SHANK2: variants seen among roughly 807,000 people sequenced by gnomAD.
SHANK2 encodes SH3 and multiple ankyrin repeat domains 2, also known as SH3 and multiple ankyrin repeat domains protein 2.
In SHANK2, 43 loss-of-function variants were observed where a neutral mutation model predicts 133.7. That is an observed-to-expected ratio of 0.32 (90% confidence interval 0.25 to 0.41). SHANK2 has a LOEUF of 0.41. SHANK2 is among the 10% of genes least tolerant of loss of function. The pLI is 1.00. For synonymous variants in SHANK2, 1,017 were observed against 952.8 expected (o/e 1.07, Z -1.24); for missense variants, 1,994 against 2,235.8 (o/e 0.89, Z 2.18).
intron 14 of SHANK2, among the ~76,000 whole-genome samples, chr11:70,734,662 C>A (rs1946364544): frequency 6.6e-6 from 1 of 152,234 alleles, no homozygotes; most frequent in Admixed American, 6.5e-5. Context: ...GCTGCCCTGG[C>A]CCAGGCTTTC....
chr11:70,702,773 T>C (rs1945565022), intron 14 of SHANK2, among the ~76,000 whole-genome samples: 1 of 152,234 alleles, frequency 6.6e-6, no homozygotes, highest in African/African-American at 2.4e-5. Flanking sequence ...GTCCCTGGTT[T>C]ACAGAAGTAG....
intron 3 of SHANK2, among the ~76,000 whole-genome samples, chr11:71,126,139 A>G (rs1379421985): frequency 2.9e-5 from 4 of 137,252 alleles, no homozygotes; most frequent in African/African-American, 8.1e-5. Flanking sequence ...AATTGCTAGA[A>G]CCCAGGAACA....
At chr11:71,185,582 AC>A (rs1953653593) in intron 2 of SHANK2, among the ~76,000 whole-genome samples, 2 of 152,130 alleles carry the variant, frequency 1.3e-5, no homozygotes, top group Non-Finnish European at 2.9e-5. Flanking sequence ...CCAGGTGACT[AC>A]CCAGCCAAAC....
At chr11:70,833,215 TCTGA>T (rs1948751521) in intron 11 of SHANK2, among the ~76,000 whole-genome samples, 1 of 152,266 alleles carries the variant, frequency 6.6e-6, no homozygotes, top group Non-Finnish European at 1.5e-5. Flanking sequence ...TGCCAGCGCC[TCTGA>T]CTGTGCACAG....
rs73527950 is a variant in SHANK2, at chr11:70,723,995, C to A, written c.1778-25232G>T. 3.5e-3 allele frequency among the ~76,000 whole-genome samples: 527 copies of A among 151,678 alleles called. 4 individuals are homozygous for A. The highest frequency in any genetic ancestry group is 0.012 in the African/African-American group (507 of 41,368). On this transcript the variant is annotated intron_variant, in intron 14 of 25. Transcript: ENST00000601538. ...TAAAAAAAAAAATCCCGCATCAAAC[C>A]CTGACTCCTCAAGAGGTGTGTTCTG...
chr11:71,074,299 A>G (rs1170132053), intron 9 of SHANK2, among the ~76,000 whole-genome samples: 1 of 152,188 alleles, frequency 6.6e-6, no homozygotes, highest in Non-Finnish European at 1.5e-5. Context: ...GAGAACAGCG[A>G]AAGTGAGACT....
intron 1 of SHANK2, among the ~76,000 whole-genome samples, chr11:71,245,221 C>A (rs1954944927): frequency 6.6e-6 from 1 of 152,100 alleles, no homozygotes; most frequent in South Asian, 2.1e-4. Flanking sequence ...CTCAAGCAAT[C>A]CTCCTGCCTC....
intron 17 of SHANK2, among the ~76,000 whole-genome samples, chr11:70,515,402 T>C (rs528082468): frequency 6.6e-6 from 1 of 152,294 alleles, no homozygotes; most frequent in African/African-American, 2.4e-5. Flanking sequence ...TTATACACAG[T>C]AGACCGTCTG....
At chr11:70,891,374 C>T (rs1949842929) in intron 11 of SHANK2, among the ~76,000 whole-genome samples, 2 of 152,148 alleles carry the variant, frequency 1.3e-5, no homozygotes, top group East Asian at 1.9e-4. Context: ...TGGTGGCGGG[C>T]GCCCGTAGTC....
chr11:71,128,455 G>T (rs1952232081), intron 3 of SHANK2, among the ~76,000 whole-genome samples: 1 of 152,172 alleles, frequency 6.6e-6, no homozygotes, highest in Non-Finnish European at 1.5e-5. Flanking sequence ...CATGAGACCT[G>T]GGTGGTGATG....
chr11:70,527,093 C>T (rs553470145), intron 17 of SHANK2, among the ~76,000 whole-genome samples: 7 of 152,206 alleles, frequency 4.6e-5, no homozygotes, highest in Non-Finnish European at 7.3e-5. Flanking sequence ...TCCTCCACAT[C>T]GTGCTGGTGT....
intron 8 of SHANK2, among the ~76,000 whole-genome samples, chr11:71,085,671 TTATATATATAA>T (rs1365285899): frequency 5.4e-5 from 1 of 18,682 alleles, no homozygotes; most frequent in Admixed American, 1.3e-3. Flanking sequence ...ATTATATATG[TTATATATATAA>T]TATAATATAT....
At chr11:71,128,968 A>T (rs140409292) in intron 3 of SHANK2, among the ~76,000 whole-genome samples, 2 of 152,152 alleles carry the variant, frequency 1.3e-5, no homozygotes, top group African/African-American at 4.8e-5. Context: ...TATTTTTAGT[A>T]GAGACAGGGT....
intron 15 of SHANK2, among the ~76,000 whole-genome samples, chr11:70,684,830 T>C (rs1945111459): frequency 6.6e-6 from 1 of 152,044 alleles, no homozygotes; most frequent in Non-Finnish European, 1.5e-5. Flanking sequence ...GCAGCCCTTC[T>C]GATAGGTCAC....
chr11:70,772,139 C>A (rs1164490493), intron 14 of SHANK2, among the ~76,000 whole-genome samples: 3 of 151,964 alleles, frequency 2.0e-5, no homozygotes, highest in African/African-American at 7.3e-5. Context: ...TGGGTACAAG[C>A]CCCCCTAGTT....
At chr11:71,158,579 T>A (rs1435819185) in intron 2 of SHANK2, among the ~76,000 whole-genome samples, 3 of 152,204 alleles carry the variant, frequency 2.0e-5, no homozygotes, top group Non-Finnish European at 2.9e-5. Flanking sequence ...TAACTTCTAA[T>A]AAAACCCTGA....
chr11:70,473,599 G>C lies in SHANK2; in HGVS notation c.4980-160C>G, dbSNP rs149558776. On this transcript the variant is annotated intron_variant, in intron 25 of 25. Coordinates refer to ENST00000601538, the MANE Select transcript of SHANK2 (RefSeq NM_012309.5). The surrounding 1 kb of genome is among the most constrained non-coding windows in gnomAD (Gnocchi z 5.9). ...AACGAATGATTTGCCATGCCAGGGTGGGGGAGGGGGAGAAAGGGGCCAGAG... is the reference window on the plus strand; with the variant it reads ...AACGAATGATTTGCCATGCCAGGGTCGGGGAGGGGGAGAAAGGGGCCAGAG... 31 of 747,846 alleles carry C rather than the reference G, an allele frequency of 4.1e-5. No individual in the cohort carries two copies. The highest frequency in any genetic ancestry group is 2.9e-4 in the Middle Eastern group (1 of 3,490). The allele number at this position is 747,846 out of a possible 1,614,324, so 46.3% of individuals were successfully genotyped here. A position where few individuals can be genotyped will look rare whatever the true frequency, so the allele number is the denominator to read the frequency against.
At chr11:70,759,412 G>A (rs1475983652) in intron 14 of SHANK2, among the ~76,000 whole-genome samples, 1 of 151,440 alleles carries the variant, frequency 6.6e-6, no homozygotes, top group Admixed American at 6.6e-5. Context: ...AACCCGGGAG[G>A]CGGAGGTTGC....
At chr11:71,057,191 G>A (rs913171353) in intron 9 of SHANK2, among the ~76,000 whole-genome samples, 9 of 152,012 alleles carry the variant, frequency 5.9e-5, no homozygotes, top group Non-Finnish European at 8.8e-5. Flanking sequence ...AAAATTAGCC[G>A]GGCATGGAGG....
Sources: gnomAD v4.1 joint callset for allele counts (sites outside exome capture counted in the v4.1 genomes callset) on GRCh38, gnomAD v4.1.1 for gene constraint, Gnocchi (gnomAD v3.1) non-coding constraint, MANE v1.5 for transcripts, NCBI Gene and HGNC (gene_info 2026-07-23, HGNC 2026-07-21) for gene names.